MSRA: variants seen among roughly 807,000 people sequenced by gnomAD.
MSRA encodes methionine sulfoxide reductase A.
A neutral mutation model predicts 31.3 loss-of-function variants in MSRA; 54 were observed. The ratio of observed to expected loss-of-function variants is 1.73; its 90% CI spans 1.39 to 2.17. The LOEUF (loss-of-function observed/expected upper bound fraction) is 2.17, where lower values mean the gene tolerates loss of function less well. Among genes scored for constraint, MSRA ranks in the 30% most tolerant of loss-of-function variants. MSRA has a pLI of 0.00. For missense variants in MSRA, 507 were observed against 300.9 expected (o/e 1.69, Z -5.07); for synonymous variants, 169 against 116.5 (o/e 1.45, Z -2.90).
intron 1 of MSRA, among the ~76,000 whole-genome samples, chr8:10,158,958 T>C (rs1804405453): frequency 6.6e-6 from 1 of 152,216 alleles, no homozygotes; most frequent in Non-Finnish European, 1.5e-5. Flanking sequence ...AATTTTGATT[T>C]GTATTTCACC....
chr8:10,417,754 T>TG (rs1808557325), intron 5 of MSRA, among the ~76,000 whole-genome samples: 2 of 129,840 alleles, frequency 1.5e-5, no homozygotes, highest in African/African-American at 2.9e-5. Flanking sequence ...AACCTGCATG[T>TG]TGTGTGTGTG....
chr8:10,161,667 A>G (rs1804658569), intron 1 of MSRA, among the ~76,000 whole-genome samples: 1 of 152,094 alleles, frequency 6.6e-6, no homozygotes. Context: ...GGTGAGCTGG[A>G]GAGAATGCAG....
At chr8:10,141,127 C>G (rs934784203) in intron 1 of MSRA, among the ~76,000 whole-genome samples, 4 of 152,198 alleles carry the variant, frequency 2.6e-5, no homozygotes, top group Admixed American at 2.6e-4. Context: ...AAAGGAAATT[C>G]ATCTGTCATC....
At chr8:10,232,639 G>A (rs2952250) in intron 2 of MSRA, among the ~76,000 whole-genome samples, 57,515 of 152,018 alleles carry the variant, frequency 0.38, 11,579 homozygotes, top group Non-Finnish European at 0.47. Flanking sequence ...CTTTCTTTAA[G>A]GTTCTTCCTG....
chr8:10,395,745 C>G (rs763376742), intron 5 of MSRA, among the ~76,000 whole-genome samples: 22 of 152,202 alleles, frequency 1.4e-4, no homozygotes, highest in South Asian at 4.1e-4. Flanking sequence ...GCACCAGACA[C>G]TGGGAAACCC....
At chr8:10,427,628 G>A (rs979913427) in intron 5 of MSRA, among the ~76,000 whole-genome samples, 1 of 152,156 alleles carries the variant, frequency 6.6e-6, no homozygotes, top group African/African-American at 2.4e-5. Flanking sequence ...GTGGGCTGGG[G>A]TCCTGTTCCT....
At chr8:10,279,858 T>C (rs1799526105) in intron 3 of MSRA, among the ~76,000 whole-genome samples, 1 of 152,228 alleles carries the variant, frequency 6.6e-6, no homozygotes. Flanking sequence ...CTGAGTGTGC[T>C]TCTGGAGCTA....
chr8:10,353,104 C>G (rs1324617646), intron 5 of MSRA, among the ~76,000 whole-genome samples: 1 of 152,158 alleles, frequency 6.6e-6, no homozygotes, highest in African/African-American at 2.4e-5. Context: ...TCTGTAACCA[C>G]AGGCCTGAGC....
chr8:10,147,383 A>C (rs893448197), intron 1 of MSRA, among the ~76,000 whole-genome samples: 1 of 152,096 alleles, frequency 6.6e-6, no homozygotes, highest in African/African-American at 2.4e-5. Flanking sequence ...AGCTGTTGGC[A>C]GGAGGCCTCA....
At chr8:10,307,380 T>C (rs1801197989) in intron 4 of MSRA, among the ~76,000 whole-genome samples, 1 of 152,124 alleles carries the variant, frequency 6.6e-6, no homozygotes, top group South Asian at 2.1e-4. Context: ...TTGCTCAGGC[T>C]GGTCTGGAAC....
chr8:10,171,592 C>A lies in MSRA; in HGVS notation c.143-36241C>A, dbSNP rs141738836. ...GTCAGCATTGCCCTTCCCTCAGTGA[C>A]CAAGTTGCTGCACATTTGATAGCAC... is the stretch of plus-strand genomic sequence containing the variant. On this transcript the variant is annotated intron_variant, in intron 1 of 5. Transcript: ENST00000317173. Among the ~76,000 whole-genome samples, 118 of 152,288 alleles carry A rather than the reference C, an allele frequency of 7.7e-4. 1 individual carries two copies. Among genetic ancestry groups the A allele is most frequent in the Middle Eastern group, 3.4e-3 (1 of 294 alleles).
chr8:10,248,057 G>A (rs1797717298), intron 3 of MSRA, among the ~76,000 whole-genome samples: 1 of 152,124 alleles, frequency 6.6e-6, no homozygotes, highest in Non-Finnish European at 1.5e-5. Flanking sequence ...AGTCAGCCCT[G>A]GAGTGGTCTG....
intron 2 of MSRA, among the ~76,000 whole-genome samples, chr8:10,236,943 T>A (rs1811994716): frequency 1.3e-5 from 2 of 152,206 alleles, no homozygotes; most frequent in Admixed American, 1.3e-4. Flanking sequence ...GTTATTGTTT[T>A]CATAGTAGTA....
intron 1 of MSRA, among the ~76,000 whole-genome samples, chr8:10,156,713 T>C (rs935643350): frequency 1.3e-5 from 2 of 152,066 alleles, no homozygotes; most frequent in African/African-American, 4.8e-5. Flanking sequence ...ATGTGAATGC[T>C]GATTCACTTC....
At chr8:10,054,865 C>T (rs887829379) in intron 1 of MSRA, among the ~76,000 whole-genome samples, 1 of 152,170 alleles carries the variant, frequency 6.6e-6, no homozygotes, top group Non-Finnish European at 1.5e-5. Context: ...TTGTTTGGCT[C>T]GTCATCTTCT....
At chr8:10,286,290 G>T (rs963519203) in intron 3 of MSRA, among the ~76,000 whole-genome samples, 5 of 152,172 alleles carry the variant, frequency 3.3e-5, no homozygotes, top group African/African-American at 1.2e-4. Context: ...GTTGTGGGAG[G>T]GACCTGGTGG....
intron 3 of MSRA, among the ~76,000 whole-genome samples, chr8:10,269,516 C>T (rs1014300072): frequency 1.3e-5 from 2 of 152,244 alleles, no homozygotes; most frequent in Non-Finnish European, 2.9e-5. Context: ...GTGTGAACAA[C>T]AGGGAAGTGT....
chr8:10,247,721 A>G (rs966815499), intron 3 of MSRA, among the ~76,000 whole-genome samples: 1 of 152,188 alleles, frequency 6.6e-6, no homozygotes. Context: ...GGAAAGGGAT[A>G]GTTATAGGGT....
At chr8:10,204,609 A>G (rs6985739) in intron 1 of MSRA, among the ~76,000 whole-genome samples, 2,808 of 152,316 alleles carry the variant, frequency 0.018, 88 homozygotes, top group African/African-American at 0.064. Flanking sequence ...AGTTGGCTCT[A>G]CCATCTAGGT....
Sources: allele counts gnomAD v4.1 joint callset (sites outside exome capture counted in the v4.1 genomes callset), GRCh38; gene constraint gnomAD v4.1.1; transcripts MANE v1.5; gene names NCBI Gene and HGNC (gene_info 2026-07-23, HGNC 2026-07-21).